The following SKAP1 variants were observed in gnomAD, a reference collection of about 807,000 sequenced individuals.
SKAP1 encodes the protein src kinase-associated phosphoprotein 1.
A neutral mutation model predicts 58.5 loss-of-function variants in SKAP1; 44 were observed. The observed-to-expected ratio is 0.75, with a 90% confidence interval of 0.59 to 0.97. SKAP1 has a LOEUF of 0.97. Ranked by LOEUF, SKAP1 falls within the 50% of genes least tolerant of loss-of-function variation. The pLI is 0.00. For synonymous variants in SKAP1, 127 were observed against 149.7 expected, an observed-to-expected ratio of 0.85 and a Z score of 1.11; for missense variants, 390 against 435.2, an observed-to-expected ratio of 0.90 and a Z score of 0.92.
chr17:48,313,164 G>A (rs2066245534), intron 4 of SKAP1, among the ~76,000 whole-genome samples: 1 of 151,624 alleles, frequency 6.6e-6, no homozygotes, highest in South Asian at 2.1e-4. Flanking sequence ...GTGGGAGGGC[G>A]CGGCTGGTGT....
At chr17:48,249,931 G>A (rs2065342902) in intron 4 of SKAP1, among the ~76,000 whole-genome samples, 1 of 151,790 alleles carries the variant, frequency 6.6e-6, no homozygotes, top group Non-Finnish European at 1.5e-5. Flanking sequence ...CAGCTCAGAA[G>A]GGTAAGAGAG....
At chr17:48,382,738 T>A (rs890388761) in intron 2 of SKAP1, among the ~76,000 whole-genome samples, 3 of 152,216 alleles carry the variant, frequency 2.0e-5, no homozygotes, top group Non-Finnish European at 4.4e-5. Flanking sequence ...CTTCACTGAA[T>A]GTCCTCAGTG....
At chr17:48,206,049 A>G (rs2064805567) in intron 4 of SKAP1, among the ~76,000 whole-genome samples, 1 of 152,298 alleles carries the variant, frequency 6.6e-6, no homozygotes, top group Non-Finnish European at 1.5e-5. Context: ...GCCAGCCCAG[A>G]GTGGGGAGGA....
At chr17:48,286,658 C>T (rs1207093847) in intron 4 of SKAP1, among the ~76,000 whole-genome samples, 1 of 152,182 alleles carries the variant, frequency 6.6e-6, no homozygotes, top group Non-Finnish European at 1.5e-5. Context: ...ATTCAACAGG[C>T]AAATTAACAT....
intron 1 of SKAP1, among the ~76,000 whole-genome samples, chr17:48,404,509 T>C (rs894079896): frequency 3.9e-5 from 6 of 152,088 alleles, no homozygotes; most frequent in Non-Finnish European, 5.9e-5. Flanking sequence ...GTAAAAATAG[T>C]CTAATTCCTA....
At chr17:48,184,662 A>G in intron 7 of SKAP1, 61 bp downstream of exon 7, 2 of 1,605,442 alleles carry the variant, frequency 1.2e-6, no homozygotes, top group Non-Finnish European at 1.7e-6. Context: ...CATGGCTCAC[A>G]TGCAATACAG....
At chr17:48,427,214 C>T (rs2067864281) in intron 1 of SKAP1, among the ~76,000 whole-genome samples, 1 of 152,002 alleles carries the variant, frequency 6.6e-6, no homozygotes, top group Non-Finnish European at 1.5e-5. Flanking sequence ...CTTGTTTTGT[C>T]TTTTGGTTTT....
chr17:48,286,129 A>G lies in SKAP1; in HGVS notation c.280+59776T>C, dbSNP rs181710178. On this transcript the variant is annotated intron_variant, in intron 4 of 12. Coordinates refer to ENST00000336915, the MANE Select transcript of SKAP1 (RefSeq NM_003726.4). ...GAGGCTACCTCAAATGCTTGATGAA[A>G]GGAGAAAACATAGAAACAAACAAGA... Among the ~76,000 whole-genome samples the G allele has an allele frequency of 4.7e-4, 72 of 152,338 alleles. 1 individual carries two copies. Among genetic ancestry groups the G allele is most frequent in the Admixed American group, 1.3e-3 (20 of 15,304 alleles).
chr17:48,154,794 C>T (rs528969662), intron 11 of SKAP1, among the ~76,000 whole-genome samples: 1 of 152,156 alleles, frequency 6.6e-6, no homozygotes, highest in Non-Finnish European at 1.5e-5. Context: ...CGTGGTGGCT[C>T]ACACCTGTAA....
chr17:48,151,649 T>C (rs1316567541), intron 11 of SKAP1, among the ~76,000 whole-genome samples: 1 of 152,234 alleles, frequency 6.6e-6, no homozygotes, highest in African/African-American at 2.4e-5. Flanking sequence ...AGCCTTGCAC[T>C]GCCAGGAGAT....
At chr17:48,142,321 G>A (rs1025459349) in intron 11 of SKAP1, among the ~76,000 whole-genome samples, 4 of 152,110 alleles carry the variant, frequency 2.6e-5, no homozygotes, top group African/African-American at 7.2e-5. Context: ...AATTAGCTGG[G>A]CGTGGTTGAG....
intron 4 of SKAP1, among the ~76,000 whole-genome samples, chr17:48,225,216 TCCCATAGAGG>T (rs1311003474): frequency 6.6e-6 from 1 of 152,152 alleles, no homozygotes; most frequent in Non-Finnish European, 1.5e-5. Flanking sequence ...TTAACGGCTG[TCCCATAGAGG>T]CTCCCTGTAT....
intron 4 of SKAP1, among the ~76,000 whole-genome samples, chr17:48,283,005 T>C (rs1409848252): frequency 6.6e-6 from 1 of 152,216 alleles, no homozygotes; most frequent in Non-Finnish European, 1.5e-5. Flanking sequence ...AACTAGTGCA[T>C]TTTCTAGTTA....
At chr17:48,420,369 A>G (rs927978790) in intron 1 of SKAP1, among the ~76,000 whole-genome samples, 1 of 152,168 alleles carries the variant, frequency 6.6e-6, no homozygotes, top group African/African-American at 2.4e-5. Context: ...AAGAACTGTC[A>G]TTGTTTGGGA....
chr17:48,311,240 T>A (rs2066220765), intron 4 of SKAP1, among the ~76,000 whole-genome samples: 1 of 152,188 alleles, frequency 6.6e-6, no homozygotes, highest in South Asian at 2.1e-4. Context: ...CAGCTCAGGT[T>A]ACGGATATGG....
intron 4 of SKAP1, among the ~76,000 whole-genome samples, chr17:48,255,778 C>T (rs146576323): frequency 8.6e-5 from 13 of 152,010 alleles, no homozygotes; most frequent in South Asian, 6.2e-4. Context: ...ATTTTTCCTT[C>T]GAAGAGATCT....
chr17:48,158,170 T>C (rs1598378405), intron 11 of SKAP1, among the ~76,000 whole-genome samples: 1 of 81,504 alleles, frequency 1.2e-5, no homozygotes, highest in Non-Finnish European at 2.2e-5. Flanking sequence ...AGAGCAAAAC[T>C]CTGTCTCAAA....
chr17:48,270,951 A>T (rs1308016229), intron 4 of SKAP1, among the ~76,000 whole-genome samples: 1 of 87,962 alleles, frequency 1.1e-5, no homozygotes. Context: ...AAGCGGGGGG[A>T]GGGGGTTGGT....
chr17:48,137,566 T>C (rs911761997), intron 11 of SKAP1, among the ~76,000 whole-genome samples: 4 of 152,246 alleles, frequency 2.6e-5, no homozygotes, highest in African/African-American at 9.6e-5. Context: ...TTAGCACATT[T>C]GATGCCCTTG....
Sources: allele counts gnomAD v4.1 joint callset (sites outside exome capture counted in the v4.1 genomes callset), GRCh38; gene constraint gnomAD v4.1.1; transcripts MANE v1.5; gene names NCBI Gene and HGNC (gene_info 2026-07-23, HGNC 2026-07-21).